Variants in BTBD16 observed in about 807,000 individuals in gnomAD.
BTBD16 encodes the protein BTB domain containing 16.
A neutral mutation model predicts 67.4 loss-of-function variants in BTBD16; 66 were observed. The observed-to-expected ratio is 0.98, with a 90% CI of 0.80 to 1.20. BTBD16 has a LOEUF of 1.20. BTBD16 is among the 50% of genes most tolerant of loss of function. BTBD16 has a pLI of 0.00. For synonymous variants in BTBD16, 242 were observed against 236.4 expected (o/e 1.02, Z -0.22); for missense variants, 634 against 616.0 (o/e 1.03, Z -0.31).
At chr10:122,321,906 T>C (rs1335933067) in intron 10 of BTBD16, among the ~76,000 whole-genome samples, 6 of 152,156 alleles carry the variant, frequency 3.9e-5, no homozygotes, top group Non-Finnish European at 8.8e-5. Context: ...TTGAAAAGAC[T>C]GATATCCAGA....
chr10:122,310,233 G>T (rs550914461), intron 10 of BTBD16, among the ~76,000 whole-genome samples: 3 of 152,338 alleles, frequency 2.0e-5, no homozygotes. Flanking sequence ...GCCCAAGAAG[G>T]ATTCTCAGCT....
intron 3 of BTBD16, among the ~76,000 whole-genome samples, chr10:122,282,950 C>T (rs2142053281): frequency 6.6e-6 from 1 of 152,282 alleles, no homozygotes; most frequent in Admixed American, 6.5e-5. Flanking sequence ...GGAGAGGGAG[C>T]AGTGCATGCA....
chr10:122,281,280 G>C (rs1226486581), intron 3 of BTBD16, among the ~76,000 whole-genome samples: 1 of 152,190 alleles, frequency 6.6e-6, no homozygotes, highest in Non-Finnish European at 1.5e-5. Context: ...GTGGCTGTAG[G>C]TTTTGCAGAG....
chr10:122,321,640 G>A (rs1451304164), intron 10 of BTBD16, among the ~76,000 whole-genome samples: 1 of 152,138 alleles, frequency 6.6e-6, no homozygotes, highest in African/African-American at 2.4e-5. Flanking sequence ...ATGTTTGTTG[G>A]CCACTTGTAT....
At chr10:122,284,047 C>T in intron 4 of BTBD16, 123 bp downstream of exon 4, 1 of 702,772 alleles carries the variant, frequency 1.4e-6, no homozygotes, top group Non-Finnish European at 2.5e-6. Flanking sequence ...CAATTCTCAT[C>T]CACTTCCCAG....
chr10:122,321,024 T>G (rs908891916), intron 10 of BTBD16, among the ~76,000 whole-genome samples: 2 of 152,158 alleles, frequency 1.3e-5, no homozygotes, highest in Non-Finnish European at 2.9e-5. Flanking sequence ...ACTCTAGTAG[T>G]CCCTACTTTC....
rs779450936 is a variant in BTBD16 at position 122,289,956 on chromosome 10, A to C, written c.433A>C (p.Ile145Leu). The C allele has an allele frequency of 6.2e-7, 1 of 1,613,912 alleles. No homozygotes were observed. Among genetic ancestry groups the C allele is most frequent in the South Asian group, 1.1e-5 (1 of 91,060 alleles). Reference protein sequence around the residue: ...TKEKSPAKRIIISLKINDPLV... With the variant: ...TKEKSPAKRILISLKINDPLV... ...AGAAAAATCCCCTGCAAAGAGGATC[A>C]TCATTTCCTTGAAGATCAATGACCC... Residue 145 changes from isoleucine to leucine, a missense_variant, in exon 6 of 16, where the codon ATC (isoleucine) becomes CTC (leucine). Coordinates refer to ENST00000260723, the MANE Select transcript of BTBD16 (RefSeq NM_144587.5).
chr10:122,281,654 G>A (rs1199948057), intron 3 of BTBD16, among the ~76,000 whole-genome samples: 1 of 152,168 alleles, frequency 6.6e-6, no homozygotes, highest in African/African-American at 2.4e-5. Flanking sequence ...CTGAAGGCAT[G>A]TCCTTGCAAG....
Position 122,307,186 on chromosome 10 carries a change from C to T in BTBD16, c.792-3C>T. On this transcript the variant is annotated splice_region_variant and splice_polypyrimidine_tract_variant and intron_variant, in intron 9 of 15. Coordinates refer to ENST00000260723, the MANE Select transcript of BTBD16 (RefSeq NM_144587.5). The stretch of plus-strand genomic sequence containing the variant: ...TTCTTCTCAATCTTTTTATTTTGGC[C>T]AGGTTATTTACCTTTAGTGAATTCC... 6.3e-7 allele frequency: 1 copy of T among 1,581,348 alleles called. No individual in the cohort carries two copies. Among genetic ancestry groups the T allele is most frequent in the Admixed American group, 1.9e-5 (1 of 51,790 alleles).
At chr10:122,290,089 A>T (rs1328677627) in intron 6 of BTBD16, 91 bp downstream of exon 6, 1 of 865,444 alleles carries the variant, frequency 1.2e-6, no homozygotes, top group Admixed American at 2.1e-5. Flanking sequence ...AAAGCAAAAC[A>T]AACCAACAGT....
chr10:122,336,951 A>AT (rs797008270), intron 15 of BTBD16, among the ~76,000 whole-genome samples: 16 of 149,642 alleles, frequency 1.1e-4, no homozygotes, highest in South Asian at 8.5e-4. Flanking sequence ...ATCAAAGGGT[A>AT]TTTTTTTTTT....
chr10:122,335,403 G>A (rs1161544514), intron 14 of BTBD16, among the ~76,000 whole-genome samples: 1 of 152,238 alleles, frequency 6.6e-6, no homozygotes. Flanking sequence ...CAGGACCCCA[G>A]AAAAGTCAGG....
intron 12 of BTBD16, among the ~76,000 whole-genome samples, chr10:122,331,695 C>T (rs1364623861): frequency 1.3e-5 from 2 of 152,070 alleles, no homozygotes; most frequent in East Asian, 3.8e-4. Context: ...CGGCATTTCC[C>T]CTTTGTGAAT....
At chr10:122,335,032 G>T in intron 14 of BTBD16, 53 bp downstream of exon 14, 1 of 850,040 alleles carries the variant, frequency 1.2e-6, no homozygotes, top group Non-Finnish European at 1.9e-6. Context: ...TTTAGAGTTA[G>T]AGTCAATTCA....
intron 10 of BTBD16, chr10:122,327,515 C>T: frequency 3.5e-6 from 3 of 854,930 alleles, no homozygotes; most frequent in South Asian, 5.3e-5. Flanking sequence ...CTCTGAGAGG[C>T]CCGGTCACAG....
intron 1 of BTBD16, among the ~76,000 whole-genome samples, chr10:122,273,221 GATAT>G (rs71715395): frequency 0.27 from 35,436 of 129,412 alleles, 4,708 homozygotes; most frequent in East Asian, 0.4. Context: ...GCAACACAAA[GATAT>G]ATATATATAT....
At chr10:122,294,095 T>A in intron 7 of BTBD16, 1 of 982,920 alleles carries the variant, frequency 1.0e-6, no homozygotes, top group Non-Finnish European at 1.2e-6. Context: ...CTGCCCAAGA[T>A]TCTCCAGATA....
chr10:122,311,623 A>G (rs938320116), intron 10 of BTBD16, among the ~76,000 whole-genome samples: 1 of 152,220 alleles, frequency 6.6e-6, no homozygotes, highest in Non-Finnish European at 1.5e-5. Flanking sequence ...GAAGCAGGCA[A>G]ATTTTCAACT....
At position 122,307,258 on chromosome 10, in the gene BTBD16, C is replaced by T. The variant is rs201448207; in HGVS notation, c.861C>T (p.Tyr287=). 4 of 1,610,362 alleles carry T rather than the reference C, an allele frequency of 2.5e-6. No individual in the cohort carries two copies. Among genetic ancestry groups the T allele is most frequent in the East Asian group, 2.2e-5 (1 of 44,688 alleles). ...MLLWVFLQLN[Y]KIQAIPTYET... is the part of the protein sequence containing the mutation. ...TGTGGGTCTTCTTGCAACTGAACTACAAGATTCAGGCAATTCCGACTTATG... is the reference window on the plus strand; with the variant it reads ...TGTGGGTCTTCTTGCAACTGAACTATAAGATTCAGGCAATTCCGACTTATG... Residue 287 remains tyrosine, a synonymous_variant, in exon 10 of 16, where the codon TAC becomes TAT. Transcript: ENST00000260723.
Sources: gnomAD v4.1 joint callset for allele counts (sites outside exome capture counted in the v4.1 genomes callset) on GRCh38, gnomAD v4.1.1 for gene constraint, MANE v1.5 for transcripts, NCBI Gene and HGNC (gene_info 2026-07-23, HGNC 2026-07-21) for gene names.